The following ZNF136 variants were observed in gnomAD, a reference collection of about 807,000 sequenced individuals.
ZNF136 encodes zinc finger protein 136.
In ZNF136, 8 loss-of-function variants were observed where a neutral mutation model predicts 11.4. The observed-to-expected ratio is 0.70, with a 90% CI of 0.41 to 1.27. The LOEUF is 1.27. Among genes scored for constraint, ZNF136 ranks in the 50% most tolerant of loss-of-function variants. The probability of loss-of-function intolerance (pLI) is 0.01; values close to 1 mark genes in which losing one functional copy is unlikely to be tolerated. For missense variants in ZNF136, 590 were observed against 656.5 expected, an observed-to-expected ratio of 0.90 and a Z score of 1.11; for synonymous variants, 190 against 207.1, an observed-to-expected ratio of 0.92 and a Z score of 0.71.
intron 1 of ZNF136, among the ~76,000 whole-genome samples, chr19:12,179,926 C>T (rs1055794071): frequency 1.8e-4 from 28 of 151,682 alleles, no homozygotes; most frequent in East Asian, 5.8e-4. Flanking sequence ...AGTGCAGTGG[C>T]GCAGTCTCGG....
intron 1 of ZNF136, among the ~76,000 whole-genome samples, chr19:12,183,166 G>A (rs1382196087): frequency 2.0e-5 from 3 of 150,376 alleles, no homozygotes; most frequent in Non-Finnish European, 3.0e-5. Flanking sequence ...TGGTTTGTTT[G>A]TTTGAGACAC....
At position 12,172,066 on chromosome 19, in the gene ZNF136, C is replaced by T. The variant is rs143027143; in HGVS notation, c.3+8860C>T. On this transcript the variant is annotated intron_variant, in intron 1 of 3. Coordinates refer to ENST00000343979, the MANE Select transcript of ZNF136 (RefSeq NM_003437.5). The stretch of plus-strand genomic sequence containing the variant: ...TGATGTTGGCTCATTGCAGCCTTCG[C>T]CTCCTGGCGTCAGGTGTTTCCAGTG... 6.0e-5 allele frequency among the ~76,000 whole-genome samples: 9 copies of T among 151,094 alleles called. 2 individuals are homozygous for T. The highest frequency in any genetic ancestry group is 2.2e-4 in the African/African-American group (9 of 41,112).
At chr19:12,179,061 T>C (rs1914872168) in intron 1 of ZNF136, among the ~76,000 whole-genome samples, 1 of 152,118 alleles carries the variant, frequency 6.6e-6, no homozygotes, top group Admixed American at 6.5e-5. Context: ...CATACAATTT[T>C]AGGTGTGTTT....
intron 1 of ZNF136, 100 bp downstream of exon 1, chr19:12,163,306 T>A: frequency 7.7e-7 from 1 of 1,295,522 alleles, no homozygotes; most frequent in Non-Finnish European, 1.0e-6. Flanking sequence ...TGGGCGACTC[T>A]GGGTCTGCGT....
At chr19:12,173,978 T>C (rs1190388875) in intron 1 of ZNF136, among the ~76,000 whole-genome samples, 1 of 152,188 alleles carries the variant, frequency 6.6e-6, no homozygotes, top group African/African-American at 2.4e-5. Context: ...TGATCTCGGC[T>C]CACTGCAACC....
intron 1 of ZNF136, among the ~76,000 whole-genome samples, chr19:12,181,241 C>A (rs1350166602): frequency 6.6e-6 from 1 of 152,198 alleles, no homozygotes; most frequent in Non-Finnish European, 1.5e-5. Context: ...TCCGACATGG[C>A]TGGAGGGGCC....
In ZNF136 at chr19:12,187,994, G is replaced by A; in HGVS notation, c.1616G>A (p.Ser539Asn). The change falls in exon 4 of 4, where the codon AGC becomes AAC. Residue 539 changes from serine (S) to asparagine (N), a missense_variant. Transcript: ENST00000343979. ...DGPPYKCMWE[S>N]L ...CCACCTTATAAATGCATGTGGGAAAGCCTTTAATGCTCTGGGTTCATGTCA... is the reference window on the plus strand; with the variant it reads ...CCACCTTATAAATGCATGTGGGAAAACCTTTAATGCTCTGGGTTCATGTCA... 1 of 1,521,798 alleles carries A rather than the reference G, an allele frequency of 6.6e-7. No individual in the cohort carries two copies. The highest frequency in any genetic ancestry group is 2.3e-5 in the East Asian group (1 of 44,228). The allele number at this position is 1,521,798 out of a possible 1,614,324, so 94.3% of individuals were successfully genotyped here.
chr19:12,187,564 G>T lies in ZNF136; in HGVS notation c.1186G>T (p.Val396Leu). 1.2e-6 allele frequency: 2 copies of T among 1,613,794 alleles called. No individual in the cohort carries two copies. The highest frequency in any genetic ancestry group is 8.5e-7 in the Non-Finnish European group (1 of 1,179,944). Residue 396 changes from valine (V) to leucine (L), a missense_variant, in exon 4 of 4, where the codon GTA (valine) becomes TTA (leucine). Val to Leu is a conservative substitution (Grantham distance 32). Transcript: ENST00000343979. ...TGGAGAAGGACCTTATAAATGTAAG[G>T]TATGTGGGAAACCCTTTCATTCTCT... is the stretch of plus-strand genomic sequence containing the variant. ...HTGEGPYKCK[V>L]CGKPFHSLSP...
At chr19:12,179,624 TC>T (rs1480510295) in intron 1 of ZNF136, among the ~76,000 whole-genome samples, 3 of 151,980 alleles carry the variant, frequency 2.0e-5, no homozygotes, top group African/African-American at 7.2e-5. Context: ...AAGAATTTCT[TC>T]TAGGACGTGT....
chr19:12,187,709 G>A lies in ZNF136; in HGVS notation c.1331G>A (p.Gly444Glu). 1 of 1,614,010 alleles carries A rather than the reference G, an allele frequency of 6.2e-7. No individual in the cohort carries two copies. The highest frequency in any genetic ancestry group is 1.1e-5 in the South Asian group (1 of 91,076). ...CGAATACATGAAAGAACTCATACTG[G>A]AGAGAAACCCTATGAGTGTAAGCAA... ...SIRIHERTHT[G>E]EKPYECKQCG... Residue 444 changes from glycine to glutamate, a missense_variant, in exon 4 of 4, where the codon GGA (glycine) becomes GAA (glutamate). Transcript: ENST00000343979.
At position 12,163,143 on chromosome 19, in the gene ZNF136, G is replaced by T. The variant is rs189896550; in HGVS notation, c.-61G>T. The T allele has an allele frequency of 3.6e-6, 5 of 1,395,412 alleles. No individual in the cohort carries two copies. The East Asian group carries it at 1.4e-4, about 38-fold the overall frequency. 86.4% of individuals were successfully genotyped at this position (1,395,412 alleles called of 1,614,324 possible). A position where few individuals can be genotyped will look rare whatever the true frequency, so the allele number is the denominator to read the frequency against. ...GGCTCGCCTGGAGTCTCTGTGGCGC[G>T]GTTTCCTGTACCTGCCTTGGGATCC... On this transcript the variant is annotated 5_prime_UTR_variant, in exon 1 of 4. Coordinates refer to ENST00000343979, the MANE Select transcript of ZNF136 (RefSeq NM_003437.5).
At chr19:12,172,504 C>T (rs951898055) in intron 1 of ZNF136, among the ~76,000 whole-genome samples, 4 of 151,970 alleles carry the variant, frequency 2.6e-5, no homozygotes, top group Non-Finnish European at 5.9e-5. Flanking sequence ...TAGATCTTGT[C>T]TGACCATTGT....
intron 1 of ZNF136, among the ~76,000 whole-genome samples, chr19:12,169,984 C>T (rs551036729): frequency 9.2e-5 from 14 of 151,880 alleles, no homozygotes; most frequent in South Asian, 8.3e-4. Flanking sequence ...TTAGTAGAGA[C>T]GGGGTTTCAC....
rs969350870 is a variant in ZNF136, at chr19:12,182,188, C to T, written c.4-3597C>T. Among the ~76,000 whole-genome samples the T allele has an allele frequency of 3.9e-5, 6 of 152,242 alleles. No homozygotes were observed. In the South Asian group the frequency reaches 8.3e-4, roughly 21 times the overall value. On this transcript the variant is annotated intron_variant, in intron 1 of 3. Coordinates refer to ENST00000343979, the MANE Select transcript of ZNF136 (RefSeq NM_003437.5). ...ATTTCTTTTATGTTTGTGACCTTTT[C>T]GCCTGAGAGGTAAGCAGAGAATAAC... is the stretch of plus-strand genomic sequence containing the variant.
chr19:12,182,026 C>T (rs750170496), intron 1 of ZNF136, among the ~76,000 whole-genome samples: 77 of 152,030 alleles, frequency 5.1e-4, no homozygotes, highest in Middle Eastern at 6.8e-3. Flanking sequence ...CCCACCTTGG[C>T]CTCCCAAAGT....
intron 1 of ZNF136, 92 bp downstream of exon 1, chr19:12,163,298 G>A (rs1977137181): frequency 4.6e-6 from 6 of 1,311,772 alleles, no homozygotes; most frequent in African/African-American, 4.5e-5. Flanking sequence ...CCTTCCCGTG[G>A]GCGACTCTGG....
intron 1 of ZNF136, chr19:12,169,523 C>A (rs186914436): frequency 6.6e-6 from 1 of 152,178 alleles, no homozygotes; most frequent in East Asian, 1.9e-4. Context: ...TAAAGGTAAA[C>A]AAATAAGCCT....
chr19:12,163,119 G>T lies in ZNF136; in HGVS notation c.-85G>T. The T allele has an allele frequency of 2.2e-6, 3 of 1,355,530 alleles. No individual in the cohort carries two copies. The highest frequency in any genetic ancestry group is 2.9e-6 in the Non-Finnish European group (3 of 1,041,418). The allele number at this position is 1,355,530 out of a possible 1,614,324, so 84.0% of individuals were successfully genotyped here. ...TCGCTAGTCCCAGAGGCCCAGAGTG[G>T]CTCGCCTGGAGTCTCTGTGGCGCGG... is the stretch of plus-strand genomic sequence containing the variant. On this transcript the variant is annotated 5_prime_UTR_variant, in exon 1 of 4. Coordinates refer to ENST00000343979, the MANE Select transcript of ZNF136 (RefSeq NM_003437.5).
chr19:12,169,818 A>G (rs1226187695), intron 1 of ZNF136, among the ~76,000 whole-genome samples: 1 of 143,364 alleles, frequency 7.0e-6, no homozygotes, highest in Admixed American at 7.0e-5. Context: ...TTTTTGAGAC[A>G]GAGTCTCTCT....
Sources: allele counts gnomAD v4.1 joint callset (sites outside exome capture counted in the v4.1 genomes callset), GRCh38; gene constraint gnomAD v4.1.1; transcripts MANE v1.5; gene names NCBI Gene and HGNC (gene_info 2026-07-23, HGNC 2026-07-21).